Variants in SDSL observed in about 807,000 individuals in gnomAD.
SDSL encodes the protein serine dehydratase like, also known as serine dehydratase-like.
SDSL carries 26 observed loss-of-function variants against 27.6 expected under a neutral mutation model. The observed-to-expected ratio is 0.94, with a 90% CI of 0.69 to 1.31. The LOEUF is 1.31. Among genes scored for constraint, SDSL ranks in the 50% most tolerant of loss-of-function variants. The probability of loss-of-function intolerance (pLI) is 0.00; values close to 1 mark genes in which losing one functional copy is unlikely to be tolerated. For synonymous variants in SDSL, 196 were observed against 180.6 expected, an observed-to-expected ratio of 1.09 and a Z score of -0.69; for missense variants, 431 against 423.5, an observed-to-expected ratio of 1.02 and a Z score of -0.16.
At position 113,434,238 on chromosome 12, in the gene SDSL, C is replaced by A; in HGVS notation, c.443+16C>A. 1.3e-6 allele frequency: 2 copies of A among 1,583,652 alleles called. No homozygotes were observed. Among genetic ancestry groups the A allele is most frequent in the South Asian group, 1.1e-5 (1 of 87,244 alleles). On this transcript the variant is annotated intron_variant, in intron 5 of 7. Coordinates refer to ENST00000403593, the MANE Select transcript of SDSL (RefSeq NM_001304993.2). ...CCCTAATATGGTAAGGCTGACGCCCCTCTCCCCAGGAGTCCAGAGCTGGGA... is the reference window on the plus strand; with the variant it reads ...CCCTAATATGGTAAGGCTGACGCCCATCTCCCCAGGAGTCCAGAGCTGGGA...
intron 4 of SDSL, among the ~76,000 whole-genome samples, chr12:113,432,110 C>T (rs570914147): frequency 1.5e-4 from 22 of 151,606 alleles, no homozygotes; most frequent in Admixed American, 7.2e-4. Context: ...AGGCTGGTCT[C>T]GAACTCCTGA....
rs1958026520 is a variant in SDSL at position 113,438,238 on chromosome 12, T to C, written c.*159T>C. The C allele has an allele frequency of 7.1e-6, 4 of 564,228 alleles. No homozygotes were observed. In the Admixed American group the frequency reaches 1.4e-4, roughly 19 times the overall value. 35.0% of individuals were successfully genotyped at this position (564,228 alleles called of 1,614,324 possible). On this transcript the variant is annotated 3_prime_UTR_variant, in exon 8 of 8. Transcript: ENST00000403593. ...GCCCTCCTGGACTGCTTCTTTTGGC[T>C]CTCCGACAACTCCGGCCAATAAACA...
intron 2 of SDSL, 54 bp downstream of exon 2, chr12:113,428,210 G>A: frequency 6.6e-7 from 1 of 1,514,896 alleles, no homozygotes; most frequent in South Asian, 1.2e-5. Flanking sequence ...AGGGAGGGAA[G>A]AGTGAGGGGT....
In SDSL at chr12:113,434,196, C is replaced by T. The variant is rs755624985; in HGVS notation, c.417C>T (p.Val139=). ...CCAAGAGGGACGGCTGGGAGAATGT[C>T]CCCCCGTTTGACCACCCCCTAATAT... ...ELAKRDGWEN[V]PPFDHPLIWK... is the part of the protein sequence containing the mutation. Residue 139 remains valine, a synonymous_variant, in exon 5 of 8, where the codon GTC becomes GTT. Coordinates refer to ENST00000403593, the MANE Select transcript of SDSL (RefSeq NM_001304993.2). 2.5e-6 allele frequency: 4 copies of T among 1,612,938 alleles called. No individual in the cohort carries two copies. The highest frequency in any genetic ancestry group is 1.7e-5 in the Admixed American group (1 of 59,958).
rs1473879632 is a variant in SDSL, at chr12:113,428,022, T to C, written c.40T>C (p.Phe14Leu). The C allele has an allele frequency of 2.5e-6, 4 of 1,613,662 alleles. No individual in the cohort carries two copies. The highest frequency in any genetic ancestry group is 3.4e-6 in the Non-Finnish European group (4 of 1,179,846). The change falls in exon 2 of 8, where the codon TTT becomes CTT. Residue 14 changes from phenylalanine (F) to leucine (L), a missense_variant. Transcript: ENST00000403593. ...GGCAGAGCATGCCAAGCAGGAGCCCTTTCACGTGGTCACACCTCTGTTGGA... is the reference window on the plus strand; with the variant it reads ...GGCAGAGCATGCCAAGCAGGAGCCCCTTCACGTGGTCACACCTCTGTTGGA... ...PVAEHAKQEP[F>L]HVVTPLLESW...
At position 113,428,508 on chromosome 12, in the gene SDSL, A is replaced by C. The variant is rs369406367; in HGVS notation, c.214+49A>C. Reference sequence around the variant, plus strand: ...ATGGGCAGAGGTTGGGGGAGGAGGAATAGGCTGGAGCGGCAGTACACATCC... The same window carrying C: ...ATGGGCAGAGGTTGGGGGAGGAGGACTAGGCTGGAGCGGCAGTACACATCC... On this transcript the variant is annotated intron_variant, in intron 3 of 7. Transcript: ENST00000403593. 3 of 1,570,802 alleles carry C rather than the reference A, an allele frequency of 1.9e-6. No individual in the cohort carries two copies. The African/African-American group carries it at 4.1e-5, about 21-fold the overall frequency.
At position 113,435,428 on chromosome 12, in the gene SDSL, G is replaced by T. The variant is rs760542669; in HGVS notation, c.543G>T (p.Gly181=). Residue 181 remains glycine (G), a synonymous_variant, in exon 6 of 8, where the codon GGG becomes GGT. Transcript: ENST00000403593. The part of the protein sequence containing the change: ...LAVGGGGLLA[G]VVAGLLEVGW... ...TTGGGGGTGGGGGTCTCCTGGCCGG[G>T]GTGGTGGCTGGCCTGCTGGAGGTGG... 3 of 1,613,628 alleles carry T rather than the reference G, an allele frequency of 1.9e-6. No homozygotes were observed. The South Asian group carries it at 3.3e-5, about 18-fold the overall frequency.
chr12:113,425,751 G>A (rs1482450609), intron 1 of SDSL: 2 of 455,640 alleles, frequency 4.4e-6, no homozygotes, highest in South Asian at 1.6e-5. Flanking sequence ...CCAGCACTTC[G>A]GGAGGCCGAG....
At chr12:113,434,301 G>A in intron 5 of SDSL, 79 bp downstream of exon 5, 1 of 1,139,962 alleles carries the variant, frequency 8.8e-7, no homozygotes, top group Non-Finnish European at 1.2e-6. Flanking sequence ...TTGGGCAGAA[G>A]GAGAAACTGA....
intron 6 of SDSL, among the ~76,000 whole-genome samples, chr12:113,435,852 C>T (rs537821413): frequency 6.6e-6 from 1 of 152,188 alleles, no homozygotes; most frequent in Non-Finnish European, 1.5e-5. Context: ...CACCATGGCT[C>T]ATGCTTGTAA....
chr12:113,434,055 A>G (rs1446213361), intron 4 of SDSL, 79 bp from the exon 5 acceptor site: 1 of 1,204,412 alleles, frequency 8.3e-7, no homozygotes, highest in Non-Finnish European at 1.2e-6. Flanking sequence ...GGGGCCACCA[A>G]GGAGATCCTG....
intron 1 of SDSL, 104 bp from the exon 2 acceptor site, chr12:113,427,858 A>G: frequency 1.0e-6 from 1 of 986,278 alleles, no homozygotes; most frequent in Non-Finnish European, 1.5e-6. Flanking sequence ...GGATGAAGTG[A>G]AGGGCACCTA....
chr12:113,432,296 CTCTCTCTT>C (rs1957943336), intron 4 of SDSL, among the ~76,000 whole-genome samples: 1 of 145,616 alleles, frequency 6.9e-6, no homozygotes, highest in African/African-American at 2.6e-5. Flanking sequence ...TTCTTTCTCT[CTCTCTCTT>C]TCTGTCTCTC....
chr12:113,429,170 G>T lies in SDSL; in HGVS notation c.225G>T (p.Ala75=). 16 of 1,613,234 alleles carry T rather than the reference G, an allele frequency of 9.9e-6. No homozygotes were observed. Among genetic ancestry groups the T allele is most frequent in the Middle Eastern group, 3.4e-4 (2 of 5,860 alleles). ...RHLVCSSGGN[A]GIAAAYAARK... The stretch of plus-strand genomic sequence containing the variant: ...CTCCTTTCTGCACAGGGGGTAATGC[G>T]GGCATCGCTGCTGCCTATGCTGCTA... Residue 75 remains alanine (A), a synonymous_variant, in exon 4 of 8, where the codon GCG becomes GCT. Coordinates refer to ENST00000403593, the MANE Select transcript of SDSL (RefSeq NM_001304993.2).
At position 113,435,314 on chromosome 12, in the gene SDSL, A is replaced by AC. The variant is rs781592617; in HGVS notation, c.444-8dup. 3.4e-5 allele frequency: 51 copies of AC among 1,479,052 alleles called. No homozygotes were observed. Among genetic ancestry groups the AC allele is most frequent in the Admixed American group, 4.6e-5 (2 of 43,052 alleles). The allele number at this position is 1,479,052 out of a possible 1,614,324, so 91.6% of individuals were successfully genotyped here. A position where few individuals can be genotyped will look rare whatever the true frequency, so the allele number is the denominator to read the frequency against. ...CTCCCTCACTCTGCTTCTCCCTCTC[A>AC]CCCCCCCTCCCCAGGAAAGGCCACG... is the stretch of plus-strand genomic sequence containing the variant. On this transcript the variant is annotated splice_polypyrimidine_tract_variant and intron_variant, in intron 5 of 7. Transcript: ENST00000403593.
chr12:113,428,521 G>T, intron 3 of SDSL, 62 bp downstream of exon 3: 1 of 1,483,298 alleles, frequency 6.7e-7, no homozygotes, highest in African/African-American at 1.4e-5. Context: ...GGCTGGAGCG[G>T]CAGTACACAT....
intron 1 of SDSL, chr12:113,425,773 A>G (rs1176626647): frequency 8.8e-6 from 4 of 452,356 alleles, no homozygotes; most frequent in South Asian, 6.3e-5. Flanking sequence ...TGGGCAGATC[A>G]CTTGAGCTCA....
intron 7 of SDSL, 176 bp downstream of exon 7, chr12:113,437,051 T>C (rs771587044): frequency 4.1e-5 from 21 of 511,874 alleles, no homozygotes; most frequent in Non-Finnish European, 6.7e-5. Flanking sequence ...AAAGAAGGAG[T>C]GTATCTTGCT....
chr12:113,422,853 C>A (rs1416124717), intron 1 of SDSL: 4 of 152,284 alleles, frequency 2.6e-5, no homozygotes, highest in Non-Finnish European at 4.4e-5. Context: ...GTGGACAGCA[C>A]TGGTGGTCCT....
Sources: allele counts gnomAD v4.1 joint callset (sites outside exome capture counted in the v4.1 genomes callset), GRCh38; gene constraint gnomAD v4.1.1; transcripts MANE v1.5; gene names NCBI Gene and HGNC (gene_info 2026-07-23, HGNC 2026-07-21).